HEATR9: variants seen among roughly 807,000 people sequenced by gnomAD.
HEATR9 encodes the protein protein HEATR9.
In HEATR9, 54 loss-of-function variants were observed where a neutral mutation model predicts 68.2. The observed-to-expected ratio is 0.79, with a 90% CI of 0.64 to 0.99. HEATR9 has a LOEUF of 0.99. HEATR9 is among the 50% of genes least tolerant of loss of function. The pLI, the probability that HEATR9 is intolerant of heterozygous loss-of-function variation, is 0.00. For synonymous variants in HEATR9, 241 were observed against 253.5 expected (o/e 0.95, Z 0.47); for missense variants, 662 against 679.7 (o/e 0.97, Z 0.29).
chr17:35,864,163 G>C (rs747338586), intron 6 of HEATR9, 83 bp downstream of exon 6: 1 of 1,178,830 alleles, frequency 8.5e-7, no homozygotes, highest in African/African-American at 1.5e-5. Flanking sequence ...CTAGCACCCC[G>C]GGGAGCCTCG....
Position 35,861,863 on chromosome 17 carries a change from G to GT in HEATR9, c.756+1131dup, listed in dbSNP as rs113162886. Among the ~76,000 whole-genome samples the GT allele has an allele frequency of 3.5e-3, 494 of 142,536 alleles. 2 individuals carry two copies. The highest frequency in any genetic ancestry group is 5.0e-3 in the African/African-American group (194 of 39,006). 93.5% of individuals were successfully genotyped at this position (142,536 alleles called of 152,430 possible). A position where few individuals can be genotyped will look rare whatever the true frequency, so the allele number is the denominator to read the frequency against. On this transcript the variant is annotated intron_variant, in intron 8 of 14. Coordinates refer to ENST00000604834, the MANE Select transcript of HEATR9 (RefSeq NM_152781.4). Reference sequence around the variant, plus strand: ...ATACTACATAATTTTCTTTTTCTTGGTTTTTTTTTTTTGAAATGGAGTTTT... The same window carrying GT: ...ATACTACATAATTTTCTTTTTCTTGGTTTTTTTTTTTTTGAAATGGAGTTTT...
chr17:35,855,207 C>G lies in HEATR9; in HGVS notation c.1569G>C (p.Lys523Asn). 6.2e-7 allele frequency: 1 copy of G among 1,614,126 alleles called. No homozygotes were observed. The highest frequency in any genetic ancestry group is 8.5e-7 in the Non-Finnish European group (1 of 1,180,018). ...LAKLNPLFIA[K>N]SITKVGQKKT... ...TCTTTTGGCCTACTTTGGTGATGGA[C>G]TTTGCAATAAACAAGGGGTTCAGCT... The change falls in exon 15 of 15, where the codon AAG becomes AAC. Residue 523 changes from lysine to asparagine, a missense_variant. Transcript: ENST00000604834.
rs116802831 is a variant in HEATR9 at position 35,866,763 on chromosome 17, T to A, written c.99A>T (p.Lys33Asn). The stretch of plus-strand genomic sequence containing the variant: ...AGGGCAGATGAACAGGAGCCATGGC[T>A]TTTCTGAGTTCTGGCAAGAGGGATA... ...EYPDKTKELRKAMAPVHLPLS... is the reference protein window; with the variant it reads ...EYPDKTKELRNAMAPVHLPLS... The change falls in exon 2 of 15, where the codon AAA becomes AAT. Residue 33 changes from lysine to asparagine, a missense_variant. Coordinates refer to ENST00000604834, the MANE Select transcript of HEATR9 (RefSeq NM_152781.4). 6.2e-7 allele frequency: 1 copy of A among 1,613,996 alleles called. No individual in the cohort carries two copies. Among genetic ancestry groups the A allele is most frequent in the Middle Eastern group, 1.6e-4 (1 of 6,062 alleles).
chr17:35,855,394 A>T lies in HEATR9; in HGVS notation c.1382T>A (p.Ile461Asn), dbSNP rs1230125512. The change falls in exon 15 of 15, where the codon ATC becomes AAC. Residue 461 changes from isoleucine (I) to asparagine (N), a missense_variant. Transcript: ENST00000604834. ...AVKKSLQETLILCASIDPWIQ... is the reference protein window; with the variant it reads ...AVKKSLQETLNLCASIDPWIQ... ...CCAGGGATCAATTGAGGCACAAAGG[A>T]TTAATGTTTCTTGTAGCTGCATTGA... is the stretch of plus-strand genomic sequence containing the variant. The T allele has an allele frequency of 1.2e-6, 2 of 1,612,962 alleles. No homozygotes were observed. The highest frequency in any genetic ancestry group is 1.7e-6 in the Non-Finnish European group (2 of 1,179,428).
At position 35,865,419 on chromosome 17, in the gene HEATR9, C is replaced by T. The variant is rs768025474; in HGVS notation, c.139-23G>A. 8.7e-6 allele frequency: 14 copies of T among 1,606,538 alleles called. No homozygotes were observed. In the Admixed American group the frequency reaches 2.2e-4, roughly 25 times the overall value. ...CATCTGGGGGTTGCAAGTGGCAGAA[C>T]AGTCAGAGGGGTCCCCTAGGCCCTT... is the stretch of plus-strand genomic sequence containing the variant. On this transcript the variant is annotated intron_variant, in intron 2 of 14. Coordinates refer to ENST00000604834, the MANE Select transcript of HEATR9 (RefSeq NM_152781.4).
At chr17:35,864,476 T>G (rs756810744) in intron 5 of HEATR9, 21 bp downstream of exon 5, 6 of 1,612,300 alleles carry the variant, frequency 3.7e-6, no homozygotes, top group Non-Finnish European at 5.1e-6. Context: ...ACCACCCTCC[T>G]CTATCCTTGC....
intron 8 of HEATR9, 50 bp from the exon 9 acceptor site, chr17:35,859,120 A>T (rs1278931865): frequency 6.6e-7 from 1 of 1,514,722 alleles, no homozygotes; most frequent in Admixed American, 1.7e-5. Flanking sequence ...ACTTTATGCC[A>T]GGCTTTGTGC....
Position 35,865,027 on chromosome 17 carries a change from C to T in HEATR9, c.321-137G>A. The T allele has an allele frequency of 3.7e-6, 5 of 1,365,922 alleles. No homozygotes were observed. In the South Asian group the frequency reaches 5.2e-5, roughly 14 times the overall value. The allele number at this position is 1,365,922 out of a possible 1,614,324, so 84.6% of individuals were successfully genotyped here. A position where few individuals can be genotyped will look rare whatever the true frequency, so the allele number is the denominator to read the frequency against. ...AAGACAGATGAGGACTCAGTGATAT[C>T]CACCAGAGCCGAGCCGAGCCGAGCC... On this transcript the variant is annotated intron_variant, in intron 3 of 14. Transcript: ENST00000604834.
At chr17:35,862,965 C>T (rs1167898192) in intron 8 of HEATR9, 30 bp downstream of exon 8, 1 of 1,614,104 alleles carries the variant, frequency 6.2e-7, no homozygotes, top group Admixed American at 1.7e-5. Flanking sequence ...TCCAGCTTTG[C>T]CCCCAATTAA....
intron 2 of HEATR9, among the ~76,000 whole-genome samples, chr17:35,866,025 G>T (rs2088186895): frequency 6.6e-6 from 1 of 152,150 alleles, no homozygotes; most frequent in South Asian, 2.1e-4. Context: ...TGGATCAGGG[G>T]CTTTCTCTGA....
At chr17:35,867,942 A>C (rs1463382168) in intron 1 of HEATR9, among the ~76,000 whole-genome samples, 1 of 152,012 alleles carries the variant, frequency 6.6e-6, no homozygotes, top group Non-Finnish European at 1.5e-5. Context: ...CACCACACCC[A>C]GCTAATTTTT....
In HEATR9 at chr17:35,863,551, A is replaced by G; in HGVS notation, c.576T>C (p.Thr192=). 6.2e-7 allele frequency: 1 copy of G among 1,614,232 alleles called. No individual in the cohort carries two copies. The highest frequency in any genetic ancestry group is 8.5e-7 in the Non-Finnish European group (1 of 1,180,046). The change falls in exon 7 of 15, where the codon ACT becomes ACC. Residue 192 remains threonine (T), a synonymous_variant. Coordinates refer to ENST00000604834, the MANE Select transcript of HEATR9 (RefSeq NM_152781.4). ...CCTCGTACTTCACTTTCTCTGGACC[A>G]GTTTGGGCCTAATTTAAGAGGCGGG... is the stretch of plus-strand genomic sequence containing the variant. ...VMEALQQVAQ[T]GPEKVKYEAY...
At chr17:35,855,846 T>G (rs748376614) in intron 13 of HEATR9, 96 bp from the exon 14 acceptor site, 2 of 1,038,052 alleles carry the variant, frequency 1.9e-6, no homozygotes, top group East Asian at 2.4e-5. Context: ...CTCTGCAGCA[T>G]AGAGAGGGGG....
chr17:35,865,037 C>T (rs1402115489), intron 3 of HEATR9, 147 bp from the exon 4 acceptor site: 17 of 1,280,874 alleles, frequency 1.3e-5, no homozygotes, highest in South Asian at 4.2e-5. Flanking sequence ...CCACCAGAGC[C>T]GAGCCGAGCC....
At chr17:35,864,618 G>C (rs886129582) in intron 4 of HEATR9, 65 bp from the exon 5 acceptor site, 1 of 1,590,532 alleles carries the variant, frequency 6.3e-7, no homozygotes, top group African/African-American at 1.4e-5. Context: ...AAACTAAAGG[G>C]AGCTCATCCA....
chr17:35,865,326 G>C lies in HEATR9; in HGVS notation c.209C>G (p.Pro70Arg), dbSNP rs767506120. 2 of 1,490,604 alleles carry C rather than the reference G, an allele frequency of 1.3e-6. No homozygotes were observed. The highest frequency in any genetic ancestry group is 2.0e-5 in the African/African-American group (1 of 51,250). The allele number at this position is 1,490,604 out of a possible 1,614,324, so 92.3% of individuals were successfully genotyped here. Residue 70 changes from proline to arginine, a missense_variant, in exon 3 of 15, where the codon CCG (proline) becomes CGG (arginine). Physicochemically the swap from Pro to Arg is moderately radical, Grantham distance 103. Transcript: ENST00000604834. ...RQHPSKPNSVPYCYFKKPEIY... is the reference protein window; with the variant it reads ...RQHPSKPNSVRYCYFKKPEIY... The stretch of plus-strand genomic sequence containing the variant: ...CTCAGGTTTCTTGAAGTAGCAGTAC[G>C]GGACTGAGTTTGGCTTGCTCGGATG...
At chr17:35,864,040 G>C (rs1355870132) in intron 6 of HEATR9, 2 of 584,832 alleles carry the variant, frequency 3.4e-6, no homozygotes, top group East Asian at 5.5e-5. Context: ...GAGATCTTCA[G>C]ATTCTTCCTT....
Position 35,856,719 on chromosome 17 carries a change from C to A in HEATR9, c.1226+13G>T. 6.3e-7 allele frequency: 1 copy of A among 1,595,118 alleles called. No individual in the cohort carries two copies. The highest frequency in any genetic ancestry group is 8.5e-7 in the Non-Finnish European group (1 of 1,170,278). ...GCCTAGGATTTGGCCCTGGCAGCTCCCAGGCCACTCACGCCTCCACCAAGT... is the reference window on the plus strand; with the variant it reads ...GCCTAGGATTTGGCCCTGGCAGCTCACAGGCCACTCACGCCTCCACCAAGT... On this transcript the variant is annotated intron_variant, in intron 12 of 14. Coordinates refer to ENST00000604834, the MANE Select transcript of HEATR9 (RefSeq NM_152781.4).
At position 35,858,895 on chromosome 17, in the gene HEATR9, C is replaced by A; in HGVS notation, c.932G>T (p.Arg311Leu). Residue 311 changes from arginine (R) to leucine (L), a missense_variant, in exon 9 of 15, where the codon CGG (arginine) becomes CTG (leucine). Transcript: ENST00000604834. The part of the protein sequence containing the change: ...QCLCQGLKTQ[R>L]MKALRMLVKV... ...GCCTCCTGCCCCTCACACCTTCATC[C>A]GCTGGGTCTTGAGTCCTTGGCACAG... 6.2e-7 allele frequency: 1 copy of A among 1,613,474 alleles called. No individual in the cohort carries two copies. The highest frequency in any genetic ancestry group is 1.3e-5 in the African/African-American group (1 of 75,014).
Sources: allele counts gnomAD v4.1 joint callset (sites outside exome capture counted in the v4.1 genomes callset), GRCh38; gene constraint gnomAD v4.1.1; transcripts MANE v1.5; gene names NCBI Gene and HGNC (gene_info 2026-07-23, HGNC 2026-07-21).